Variants in WWOX observed in about 807,000 individuals in gnomAD.
The protein encoded by WWOX is WW domain-containing oxidoreductase.
Under a neutral mutation model 46.2 loss-of-function variants are expected in WWOX, and 69 were observed. The ratio of observed to expected loss-of-function variants is 1.49; its 90% CI spans 1.23 to 1.82. The LOEUF (loss-of-function observed/expected upper bound fraction) is 1.82. Ranked by LOEUF, WWOX falls within the 40% of genes most tolerant of loss-of-function variation. The pLI is 0.00. For missense variants in WWOX, 919 were observed against 542.6 expected, an observed-to-expected ratio of 1.69 and a Z score of -6.89; for synonymous variants, 359 against 202.6, an observed-to-expected ratio of 1.77 and a Z score of -6.56.
chr16:78,310,601 G>A (rs1432136155), intron 5 of WWOX, among the ~76,000 whole-genome samples: 1 of 152,144 alleles, frequency 6.6e-6, no homozygotes, highest in Non-Finnish European at 1.5e-5. Flanking sequence ...CAAAGGGTGC[G>A]GGCCATGTGC....
intron 8 of WWOX, among the ~76,000 whole-genome samples, chr16:78,662,977 C>T (rs1266662087): frequency 6.6e-6 from 1 of 152,134 alleles, no homozygotes; most frequent in Non-Finnish European, 1.5e-5. Flanking sequence ...TTGGAAGTCA[C>T]ATCCTATCGC....
chr16:78,845,031 G>A (rs551424892), intron 8 of WWOX, among the ~76,000 whole-genome samples: 5 of 152,140 alleles, frequency 3.3e-5, no homozygotes, highest in South Asian at 2.1e-4. Flanking sequence ...GCAGTGAAGC[G>A]GTTGGAAAAG....
chr16:78,284,093 G>A (rs758740821), intron 5 of WWOX, among the ~76,000 whole-genome samples: 38 of 152,142 alleles, frequency 2.5e-4, no homozygotes, highest in Non-Finnish European at 4.6e-4. Flanking sequence ...CAACCATTGC[G>A]TGTAGGAGGG....
chr16:78,659,497 G>T (rs1044092448), intron 8 of WWOX, among the ~76,000 whole-genome samples: 29 of 152,056 alleles, frequency 1.9e-4, no homozygotes, highest in African/African-American at 1.7e-4. Flanking sequence ...AGGGGATTCT[G>T]TGGTGCCTAA....
chr16:79,209,538 G>GGTTCAA (rs2051642534), intron 8 of WWOX, among the ~76,000 whole-genome samples: 1 of 152,076 alleles, frequency 6.6e-6, no homozygotes, highest in African/African-American at 2.4e-5. Context: ...ACTTGAAATG[G>GGTTCAA]GTGAGCTGGA....
intron 8 of WWOX, among the ~76,000 whole-genome samples, chr16:78,993,326 T>G (rs921479687): frequency 6.6e-6 from 1 of 152,162 alleles, no homozygotes; most frequent in African/African-American, 2.4e-5. Flanking sequence ...AAAGGGAATC[T>G]CAGATGTTTT....
chr16:78,754,628 A>T (rs1201920369), intron 8 of WWOX, among the ~76,000 whole-genome samples: 1 of 152,226 alleles, frequency 6.6e-6, no homozygotes, highest in Non-Finnish European at 1.5e-5. Context: ...ATATAAAAAA[A>T]GCATGGAAAC....
chr16:78,870,634 C>G (rs1347161325), intron 8 of WWOX, among the ~76,000 whole-genome samples: 1 of 152,190 alleles, frequency 6.6e-6, no homozygotes, highest in East Asian at 1.9e-4. Context: ...CGGAATCTCA[C>G]TCTGTTGCCC....
intron 5 of WWOX, among the ~76,000 whole-genome samples, chr16:78,237,169 C>T (rs8063113): frequency 0.12 from 18,253 of 151,330 alleles, 1,213 homozygotes; most frequent in South Asian, 0.24. Context: ...CAAAGTCTGA[C>T]TGATTTATGT....
intron 8 of WWOX, among the ~76,000 whole-genome samples, chr16:78,815,208 C>T (rs1370777129): frequency 6.6e-6 from 1 of 152,008 alleles, no homozygotes; most frequent in Non-Finnish European, 1.5e-5. Flanking sequence ...ACCTGTAATC[C>T]CAGCTACTTG....
chr16:78,621,392 A>T (rs1480411772), intron 8 of WWOX, among the ~76,000 whole-genome samples: 4 of 148,274 alleles, frequency 2.7e-5, no homozygotes, highest in Non-Finnish European at 6.0e-5. Context: ...CCTCATCCTC[A>T]CCCCTTTCAC....
chr16:79,178,385 C>A (rs970751674), intron 8 of WWOX, among the ~76,000 whole-genome samples: 3 of 152,090 alleles, frequency 2.0e-5, no homozygotes, highest in African/African-American at 7.2e-5. Flanking sequence ...GGTGCGGTCA[C>A]AGCTCACTAC....
At chr16:78,363,428 C>A (rs572664262) in intron 5 of WWOX, among the ~76,000 whole-genome samples, 25 of 125,282 alleles carry the variant, frequency 2.0e-4, no homozygotes, top group Non-Finnish European at 3.6e-4. Context: ...TGCACACCAC[C>A]ACTTCCAGCT....
chr16:78,813,956 C>A (rs190579695), intron 8 of WWOX, among the ~76,000 whole-genome samples: 80 of 152,276 alleles, frequency 5.3e-4, no homozygotes, highest in South Asian at 1.2e-3. Flanking sequence ...CTTGTCTCCC[C>A]ACCCCCAATT....
intron 8 of WWOX, among the ~76,000 whole-genome samples, chr16:78,689,287 G>A (rs1440981340): frequency 7.2e-5 from 11 of 152,190 alleles, no homozygotes; most frequent in Admixed American, 7.2e-4. Context: ...CACACATGCT[G>A]TCTGCACGCC....
chr16:78,980,184 C>T (rs868129226), intron 8 of WWOX, among the ~76,000 whole-genome samples: 2 of 152,194 alleles, frequency 1.3e-5, no homozygotes, highest in African/African-American at 2.4e-5. Context: ...ACCCCAAATC[C>T]TTGCTGAATC....
intron 4 of WWOX, among the ~76,000 whole-genome samples, chr16:78,131,159 A>G (rs141509157): frequency 1.3e-5 from 2 of 152,306 alleles, no homozygotes; most frequent in East Asian, 1.9e-4. Flanking sequence ...ATGTGTTGTT[A>G]TGCAGTGTGT....
intron 8 of WWOX, among the ~76,000 whole-genome samples, chr16:78,638,230 A>G (rs1370679875): frequency 6.6e-6 from 1 of 152,204 alleles, no homozygotes; most frequent in African/African-American, 2.4e-5. Flanking sequence ...CAAGCCAACG[A>G]AGGCTTGGAG....
At chr16:79,136,514 C>T (rs2049984792) in intron 8 of WWOX, among the ~76,000 whole-genome samples, 1 of 152,188 alleles carries the variant, frequency 6.6e-6, no homozygotes. Context: ...CAGGCGTGAG[C>T]TACCATGCCT....
Sources: gnomAD v4.1 joint callset for allele counts (sites outside exome capture counted in the v4.1 genomes callset) on GRCh38, gnomAD v4.1.1 for gene constraint, MANE v1.5 for transcripts, NCBI Gene and HGNC (gene_info 2026-07-23, HGNC 2026-07-21) for gene names.